The following ADAMTS16 variants were observed in gnomAD, a reference collection of about 807,000 sequenced individuals.
The protein encoded by ADAMTS16 is ADAM metallopeptidase with thrombospondin type 1 motif 16, also known as A disintegrin and metalloproteinase with thrombospondin motifs 16.
In ADAMTS16, 94 loss-of-function variants were observed where a neutral mutation model predicts 145.8. The observed-to-expected ratio is 0.64, with a 90% CI of 0.55 to 0.77. The LOEUF (loss-of-function observed/expected upper bound fraction) is 0.77. Ranked by LOEUF, ADAMTS16 falls within the 30% of genes least tolerant of loss-of-function variation. The probability of loss-of-function intolerance (pLI) is 0.00; values close to 1 mark genes in which losing one functional copy is unlikely to be tolerated. For synonymous variants in ADAMTS16, 659 were observed against 604.3 expected (o/e 1.09, Z -1.33); for missense variants, 1,585 against 1,591.5 (o/e 1.00, Z 0.07).
chr5:5,194,157 A>T (rs547912006), intron 8 of ADAMTS16, among the ~76,000 whole-genome samples: 30 of 152,262 alleles, frequency 2.0e-4, no homozygotes, highest in Middle Eastern at 6.8e-3. Flanking sequence ...CATTGCTAAT[A>T]TAGGATTAAC....
intron 18 of ADAMTS16, among the ~76,000 whole-genome samples, chr5:5,301,056 T>C (rs1381212026): frequency 3.3e-5 from 5 of 152,098 alleles, no homozygotes; most frequent in African/African-American, 9.7e-5. Context: ...GAATTTTTAT[T>C]TTTATTTATT....
At chr5:5,240,845 T>C (rs189818979) in intron 16 of ADAMTS16, among the ~76,000 whole-genome samples, 3 of 152,326 alleles carry the variant, frequency 2.0e-5, no homozygotes, top group African/African-American at 7.2e-5. Flanking sequence ...ATTCTTTCCT[T>C]GATCAATTTA....
chr5:5,289,241 G>C (rs376639734), intron 18 of ADAMTS16, among the ~76,000 whole-genome samples: 131 of 152,320 alleles, frequency 8.6e-4, no homozygotes, highest in African/African-American at 2.7e-3. Flanking sequence ...CATTTGGTTT[G>C]TCCTCCAGGG....
At chr5:5,225,855 A>G (rs1444902661) in intron 11 of ADAMTS16, among the ~76,000 whole-genome samples, 1 of 152,222 alleles carries the variant, frequency 6.6e-6, no homozygotes, top group Non-Finnish European at 1.5e-5. Flanking sequence ...GTATCTGTGA[A>G]GATAATTAAT....
In ADAMTS16 at chr5:5,169,384, C is replaced by T. The variant is rs1048962409; in HGVS notation, c.502-12660C>T. On this transcript the variant is annotated intron_variant, in intron 3 of 22. Coordinates refer to ENST00000274181, the MANE Select transcript of ADAMTS16 (RefSeq NM_139056.4). The stretch of plus-strand genomic sequence containing the variant: ...GGCTGAAGAGGGACCTAGGAGGACC[C>T]CCACATTCATTCGTCATTGCCCAGC... Among the ~76,000 whole-genome samples, 27 of 152,182 alleles carry T rather than the reference C, an allele frequency of 1.8e-4. 1 individual carries two copies. The highest frequency in any genetic ancestry group is 6.5e-5 in the Admixed American group (1 of 15,280).
chr5:5,231,305 G>A (rs1373301424), intron 11 of ADAMTS16, among the ~76,000 whole-genome samples: 2 of 152,312 alleles, frequency 1.3e-5, no homozygotes, highest in Non-Finnish European at 2.9e-5. Context: ...TACTTAAATA[G>A]CATTAAATGG....
chr5:5,308,928 T>C (rs1226231674), intron 21 of ADAMTS16, among the ~76,000 whole-genome samples: 1 of 131,350 alleles, frequency 7.6e-6, no homozygotes, highest in Non-Finnish European at 1.6e-5. Context: ...CCAGTCTGGG[T>C]AACAGAGAGA....
intron 10 of ADAMTS16, among the ~76,000 whole-genome samples, chr5:5,219,989 C>T (rs1006372392): frequency 3.3e-5 from 5 of 152,042 alleles, no homozygotes; most frequent in Non-Finnish European, 4.4e-5. Context: ...ATCACGATTT[C>T]CTGATTCTTG....
chr5:5,303,211 C>T (rs1049358377), intron 18 of ADAMTS16, 57 bp from the exon 19 acceptor site: 29 of 1,462,718 alleles, frequency 2.0e-5, no homozygotes, highest in Non-Finnish European at 2.4e-5. Context: ...GATGTGGGGC[C>T]GCTTCTATCA....
At chr5:5,260,313 T>C (rs1737967479) in intron 17 of ADAMTS16, among the ~76,000 whole-genome samples, 1 of 152,284 alleles carries the variant, frequency 6.6e-6, no homozygotes, top group South Asian at 2.1e-4. Flanking sequence ...TTCCAGAGTT[T>C]AAATCTTGTT....
intron 17 of ADAMTS16, among the ~76,000 whole-genome samples, chr5:5,259,815 T>C (rs756366448): frequency 5.9e-5 from 9 of 152,200 alleles, no homozygotes; most frequent in Non-Finnish European, 1.0e-4. Context: ...GCTTTCAGCT[T>C]CATTTTTCCT....
At chr5:5,201,548 T>A (rs1164406875) in intron 9 of ADAMTS16, among the ~76,000 whole-genome samples, 1 of 151,996 alleles carries the variant, frequency 6.6e-6, no homozygotes, top group Non-Finnish European at 1.5e-5. Flanking sequence ...GTTTTTTTTT[T>A]AAGTAACAGC....
intron 21 of ADAMTS16, among the ~76,000 whole-genome samples, chr5:5,315,644 C>T (rs1233127386): frequency 6.6e-6 from 1 of 152,030 alleles, no homozygotes; most frequent in African/African-American, 2.4e-5. Context: ...GACCACAGCC[C>T]CAAGGTTCTC....
chr5:5,248,315 A>G (rs531320617), intron 17 of ADAMTS16, among the ~76,000 whole-genome samples: 1 of 152,200 alleles, frequency 6.6e-6, no homozygotes, highest in Non-Finnish European at 1.5e-5. Context: ...AGGATTTTTA[A>G]GCGGTTTCCA....
intron 17 of ADAMTS16, among the ~76,000 whole-genome samples, chr5:5,261,914 C>T (rs1405608650): frequency 6.6e-6 from 1 of 152,160 alleles, no homozygotes; most frequent in Non-Finnish European, 1.5e-5. Context: ...GTCCATTAGA[C>T]ATTAGCTCCC....
intron 17 of ADAMTS16, among the ~76,000 whole-genome samples, chr5:5,260,727 G>A (rs1261613278): frequency 6.6e-6 from 1 of 152,218 alleles, no homozygotes; most frequent in Non-Finnish European, 1.5e-5. Context: ...ACTGTACGGA[G>A]TGCAACTTTC....
rs529385578 is a variant in ADAMTS16, at chr5:5,164,838, G to A, written c.502-17206G>A. On this transcript the variant is annotated intron_variant, in intron 3 of 22. Coordinates refer to ENST00000274181, the MANE Select transcript of ADAMTS16 (RefSeq NM_139056.4). The stretch of plus-strand genomic sequence containing the variant: ...ACTACAGGCGCCCGCCACCACGCCC[G>A]GCTAATTTTTTGTATTTTTAGTAGA... Among the ~76,000 whole-genome samples the A allele has an allele frequency of 7.9e-5, 12 of 152,014 alleles. No individual in the cohort carries two copies. In the South Asian group the frequency reaches 1.0e-3, roughly 13 times the overall value.
chr5:5,167,234 G>A (rs1579283865), intron 3 of ADAMTS16, among the ~76,000 whole-genome samples: 2 of 152,320 alleles, frequency 1.3e-5, no homozygotes, highest in African/African-American at 4.8e-5. Flanking sequence ...TGTCTGGATT[G>A]TGTAGTAGAG....
chr5:5,277,504 C>A (rs1738747658), intron 18 of ADAMTS16, among the ~76,000 whole-genome samples: 1 of 152,162 alleles, frequency 6.6e-6, no homozygotes, highest in Admixed American at 6.5e-5. Flanking sequence ...ACCACAGTCT[C>A]CTAGAATGCA....
Sources: allele counts gnomAD v4.1 joint callset (sites outside exome capture counted in the v4.1 genomes callset), GRCh38; gene constraint gnomAD v4.1.1; transcripts MANE v1.5; gene names NCBI Gene and HGNC (gene_info 2026-07-23, HGNC 2026-07-21).